The following CNTN4 variants were observed in gnomAD, a reference collection of about 807,000 sequenced individuals.
CNTN4 encodes contactin-4.
CNTN4 carries 77 observed loss-of-function variants against 122.5 expected under a neutral mutation model. That is an observed-to-expected ratio of 0.63 (90% CI 0.52 to 0.76). The LOEUF is 0.76. CNTN4 is among the 30% of genes least tolerant of loss of function. CNTN4 has a pLI of 0.00. For missense variants in CNTN4, 1,256 were observed against 1,259.1 expected (o/e 1.00, Z 0.04); for synonymous variants, 512 against 447.0 (o/e 1.15, Z -1.83).
chr3:2,982,954 G>A (rs751027383), intron 13 of CNTN4, among the ~76,000 whole-genome samples: 1 of 151,944 alleles, frequency 6.6e-6, no homozygotes, highest in African/African-American at 2.4e-5. Flanking sequence ...AGTGGCTCAC[G>A]CCTGTAATCC....
chr3:2,523,427 A>G (rs1426587774), intron 3 of CNTN4, among the ~76,000 whole-genome samples: 4 of 151,640 alleles, frequency 2.6e-5, no homozygotes, highest in Non-Finnish European at 1.5e-5. Context: ...ATGGGGAAAG[A>G]TAGAACAGTT....
chr3:2,786,730 G>A (rs1424313016), intron 6 of CNTN4, among the ~76,000 whole-genome samples: 1 of 152,132 alleles, frequency 6.6e-6, no homozygotes, highest in Admixed American at 6.5e-5. Flanking sequence ...GAGTGGCTCA[G>A]CTTTCAAGAA....
intron 23 of CNTN4, among the ~76,000 whole-genome samples, chr3:3,044,297 C>T (rs1035692315): frequency 6.6e-6 from 1 of 152,152 alleles, no homozygotes; most frequent in Non-Finnish European, 1.5e-5. Context: ...CTATTTGCTA[C>T]CTAACAAACC....
At chr3:2,348,472 C>T (rs1030422176) in intron 3 of CNTN4, among the ~76,000 whole-genome samples, 4 of 152,176 alleles carry the variant, frequency 2.6e-5, no homozygotes, top group African/African-American at 9.7e-5. Context: ...AGCCCTCAGG[C>T]CTATAGCGAG....
chr3:2,300,194 CAG>C (rs1362842306), intron 2 of CNTN4, among the ~76,000 whole-genome samples: 1 of 152,166 alleles, frequency 6.6e-6, no homozygotes, highest in African/African-American at 2.4e-5. Context: ...GAATGTTAGA[CAG>C]AGTGAATTGA....
chr3:2,116,023 A>G (rs1177062162), intron 2 of CNTN4, among the ~76,000 whole-genome samples: 2 of 152,202 alleles, frequency 1.3e-5, no homozygotes, highest in Non-Finnish European at 2.9e-5. Context: ...GGTGCTTTAT[A>G]GTAACCTGCA....
chr3:2,617,552 C>T (rs943028399), intron 4 of CNTN4, among the ~76,000 whole-genome samples: 3 of 151,060 alleles, frequency 2.0e-5, no homozygotes, highest in South Asian at 4.2e-4. Context: ...TCCCAAGTAG[C>T]TGGGAATACA....
intron 2 of CNTN4, among the ~76,000 whole-genome samples, chr3:2,121,835 T>C (rs533783283): frequency 4.4e-4 from 67 of 152,298 alleles, no homozygotes; most frequent in Non-Finnish European, 9.0e-4. Flanking sequence ...CCCTGGATAG[T>C]GTCTGAACTT....
chr3:2,387,471 A>G (rs1002547818), intron 3 of CNTN4, among the ~76,000 whole-genome samples: 5 of 152,142 alleles, frequency 3.3e-5, no homozygotes, highest in Non-Finnish European at 7.4e-5. Flanking sequence ...TTTGACTATG[A>G]TGTTACATAA....
At chr3:2,380,057 C>CAA (rs5846182) in intron 3 of CNTN4, among the ~76,000 whole-genome samples, 11,892 of 119,680 alleles carry the variant, frequency 0.099, 1,044 homozygotes, top group East Asian at 0.49. Flanking sequence ...AACTCCATCT[C>CAA]AAAAAAAAAA....
At chr3:2,430,616 CAAAAAAAAAAAAA>C (rs10662868) in intron 3 of CNTN4, among the ~76,000 whole-genome samples, 1 of 103,348 alleles carries the variant, frequency 9.7e-6, no homozygotes, top group Non-Finnish European at 1.9e-5. Flanking sequence ...AGCAAATTAC[CAAAAAAAAAAAAA>C]AAAAAAAATT....
chr3:2,773,607 C>T (rs146046416), intron 6 of CNTN4, among the ~76,000 whole-genome samples: 1 of 152,118 alleles, frequency 6.6e-6, no homozygotes, highest in Non-Finnish European at 1.5e-5. Context: ...TGAATTTGTG[C>T]AGTAAGGCCG....
intron 4 of CNTN4, among the ~76,000 whole-genome samples, chr3:2,699,465 C>T (rs1390921030): frequency 6.6e-6 from 1 of 152,134 alleles, no homozygotes; most frequent in African/African-American, 2.4e-5. Flanking sequence ...CTCACTTGAA[C>T]TTGTAAAAGT....
chr3:2,569,431 TA>T (rs2079322917), intron 3 of CNTN4, among the ~76,000 whole-genome samples: 1 of 152,180 alleles, frequency 6.6e-6, no homozygotes, highest in Admixed American at 6.5e-5. Context: ...ATTTTCAGCT[TA>T]AAAATATTGG....
intron 2 of CNTN4, among the ~76,000 whole-genome samples, chr3:2,212,670 C>A (rs2038674379): frequency 6.6e-6 from 1 of 152,222 alleles, no homozygotes; most frequent in Non-Finnish European, 1.5e-5. Context: ...CAAACCGTAT[C>A]AGCTACCTAC....
intron 2 of CNTN4, among the ~76,000 whole-genome samples, chr3:2,237,141 G>A (rs1403610696): frequency 6.6e-6 from 1 of 152,090 alleles, no homozygotes; most frequent in East Asian, 1.9e-4. Flanking sequence ...TGAGGTAAGA[G>A]GGACGATCAT....
chr3:2,371,073 T>C (rs2045614293), intron 3 of CNTN4, among the ~76,000 whole-genome samples: 1 of 152,158 alleles, frequency 6.6e-6, no homozygotes, highest in Admixed American at 6.5e-5. Flanking sequence ...GAGATGGAAG[T>C]GGGAGAATGT....
At chr3:2,131,585 TC>T (rs2034453998) in intron 2 of CNTN4, among the ~76,000 whole-genome samples, 1 of 152,170 alleles carries the variant, frequency 6.6e-6, no homozygotes, top group Non-Finnish European at 1.5e-5. Flanking sequence ...GGAGCAGTGT[TC>T]CTAAAGGAAA....
chr3:2,164,101 A>C, intron 2 of CNTN4, among the ~76,000 whole-genome samples: 1 of 152,174 alleles, frequency 6.6e-6, no homozygotes, highest in East Asian at 1.9e-4. Context: ...GAGTGCACCA[A>C]AATCCCAGAA....
Sources: gnomAD v4.1 joint callset for allele counts (sites outside exome capture counted in the v4.1 genomes callset) on GRCh38, gnomAD v4.1.1 for gene constraint, MANE v1.5 for transcripts, NCBI Gene and HGNC (gene_info 2026-07-23, HGNC 2026-07-21) for gene names.